Variants in SLC25A4 observed in about 807,000 individuals in gnomAD.
The protein encoded by SLC25A4 is ADP/ATP translocase 1.
Under a neutral mutation model 24.7 loss-of-function variants are expected in SLC25A4, and 10 were observed. The ratio of observed to expected loss-of-function variants is 0.41; its 90% CI spans 0.25 to 0.69. The LOEUF (loss-of-function observed/expected upper bound fraction) is 0.69, where lower values mean the gene tolerates loss of function less well. Among genes scored for constraint, SLC25A4 ranks in the 30% least tolerant of loss-of-function variants. The pLI, the probability that SLC25A4 is intolerant of heterozygous loss-of-function variation, is 0.35. For synonymous variants in SLC25A4, 125 were observed against 153.3 expected (o/e 0.82, Z 1.36); for missense variants, 273 against 387.6 (o/e 0.70, Z 2.48).
chr4:185,145,318 C>A lies in SLC25A4; in HGVS notation c.598+68C>A, dbSNP rs771487448. 3 of 1,607,056 alleles carry A rather than the reference C, an allele frequency of 1.9e-6. No individual in the cohort carries two copies. The highest frequency in any genetic ancestry group is 1.3e-5 in the African/African-American group (1 of 74,848). On this transcript the variant is annotated intron_variant, in intron 2 of 3. Transcript: ENST00000281456. This position sits in a 1 kb window ranked among gnomAD's most constrained non-coding sequence, Gnocchi z 5.5. ...AGGATCCTATGGGATCTATAACTCA[C>A]AAAGGACCTGATATATATTGATCTT... is the stretch of plus-strand genomic sequence containing the variant.
chr4:185,144,527 T>C (rs1734402444), intron 1 of SLC25A4, among the ~76,000 whole-genome samples: 1 of 152,156 alleles, frequency 6.6e-6, no homozygotes, highest in Admixed American at 6.5e-5. Context: ...TTTGGGGCAA[T>C]ACCTTTTCCC....
chr4:185,148,334 T>G lies in SLC25A4; in HGVS notation c.*1363T>G, dbSNP rs1033170835. 1.3e-5 allele frequency: 2 copies of G among 152,120 alleles called. No homozygotes were observed. The highest frequency in any genetic ancestry group is 2.9e-5 in the Non-Finnish European group (2 of 68,030). The allele number at this position is 152,120 out of a possible 1,614,324, so 9.4% of individuals were successfully genotyped here. On this transcript the variant is annotated 3_prime_UTR_variant, in exon 4 of 4. Transcript: ENST00000281456. ...GGTTAAGATTTCAACAGATGAATTT[T>G]GAAGGGACACAAACATTCAGTCCAT... is the stretch of plus-strand genomic sequence containing the variant.
In SLC25A4 at chr4:185,143,302, G is replaced by C; in HGVS notation, c.-71G>C. The C allele has an allele frequency of 1.1e-6, 1 of 884,080 alleles. No individual in the cohort carries two copies. The allele number at this position is 884,080 out of a possible 1,614,324, so 54.8% of individuals were successfully genotyped here. On this transcript the variant is annotated 5_prime_UTR_variant, in exon 1 of 4. Transcript: ENST00000281456. Reference sequence around the variant, plus strand: ...GTCGCGCAGGGTCGGGGACTGCGCGGCGGTGCCAGGCCGGGCGTGGGCGAG... The same window carrying C: ...GTCGCGCAGGGTCGGGGACTGCGCGCCGGTGCCAGGCCGGGCGTGGGCGAG...
chr4:185,145,216 A>T lies in SLC25A4; in HGVS notation c.564A>T (p.Arg188Ser). The T allele has an allele frequency of 2.5e-6, 4 of 1,614,024 alleles. No individual in the cohort carries two copies. The highest frequency in any genetic ancestry group is 3.4e-6 in the Non-Finnish European group (4 of 1,179,960). The change falls in exon 2 of 4, where the codon AGA becomes AGT. Residue 188 changes from arginine (R) to serine (S), a missense_variant. Coordinates refer to ENST00000281456, the MANE Select transcript of SLC25A4 (RefSeq NM_001151.4). This position sits in a 1 kb window ranked among gnomAD's most constrained non-coding sequence, Gnocchi z 5.5. ...NVSVQGIIIY[R>S]AAYFGVYDTA... ...CTGTCCAAGGCATCATTATCTATAG[A>T]GCTGCCTACTTCGGAGTCTATGATA...
rs1734496622 is a variant in SLC25A4, at chr4:185,149,319, G to GTGTAAT, written c.*2352_*2357dup. 1 of 152,266 alleles carries GTGTAAT rather than the reference G, an allele frequency of 6.6e-6. No individual in the cohort carries two copies. Among genetic ancestry groups the GTGTAAT allele is most frequent in the Non-Finnish European group, 1.5e-5 (1 of 68,080 alleles). 9.4% of individuals were successfully genotyped at this position (152,266 alleles called of 1,614,324 possible). ...TGCGTCCTCCCAACCCAACCAAGAA[G>GTGTAAT]TGTAATTGTGTTCCGTCTTTAACCC... On this transcript the variant is annotated 3_prime_UTR_variant, in exon 4 of 4. Transcript: ENST00000281456.
chr4:185,144,606 A>G (rs1337688899), intron 1 of SLC25A4, among the ~76,000 whole-genome samples, 158 bp from the exon 2 acceptor site: 2 of 152,152 alleles, frequency 1.3e-5, no homozygotes, highest in Non-Finnish European at 2.9e-5. Flanking sequence ...AACATGGATA[A>G]CAGTATCCAT....
chr4:185,145,726 C>G lies in SLC25A4; in HGVS notation c.599-33C>G. 1 of 1,613,958 alleles carries G rather than the reference C, an allele frequency of 6.2e-7. No homozygotes were observed. Among genetic ancestry groups the G allele is most frequent in the Non-Finnish European group, 8.5e-7 (1 of 1,179,856 alleles). On this transcript the variant is annotated intron_variant, in intron 2 of 3. Transcript: ENST00000281456. This position sits in a 1 kb window ranked among gnomAD's most constrained non-coding sequence, Gnocchi z 5.5. Reference sequence around the variant, plus strand: ...TGCTTTCTGCTGAGAACAGGCACTTCATAGCCGTTCGGCTTCTGGGCTCTG... The same window carrying G: ...TGCTTTCTGCTGAGAACAGGCACTTGATAGCCGTTCGGCTTCTGGGCTCTG...
rs1008012764 is a variant in SLC25A4, at chr4:185,147,768, C to T, written c.*797C>T. 1.3e-5 allele frequency: 2 copies of T among 152,212 alleles called. No individual in the cohort carries two copies. The highest frequency in any genetic ancestry group is 1.9e-4 in the East Asian group (1 of 5,186). The allele number at this position is 152,212 out of a possible 1,614,324, so 9.4% of individuals were successfully genotyped here. A position where few individuals can be genotyped will look rare whatever the true frequency, so the allele number is the denominator to read the frequency against. ...CAGAGGTGGGCGTATCACTTCAGGC[C>T]AGGAGTTTGAGACCAGCCTGGCCAA... On this transcript the variant is annotated 3_prime_UTR_variant, in exon 4 of 4. Coordinates refer to ENST00000281456, the MANE Select transcript of SLC25A4 (RefSeq NM_001151.4).
rs776619878 is a variant in SLC25A4 at position 185,145,344 on chromosome 4, G to T, written c.598+94G>T. On this transcript the variant is annotated intron_variant, in intron 2 of 3. Transcript: ENST00000281456. This position sits in a 1 kb window ranked among gnomAD's most constrained non-coding sequence, Gnocchi z 5.5. ...AAAGGACCTGATATATATTGATCTT[G>T]TTTTTTCTAGTCTCTGGGATAATTG... 2 of 1,578,196 alleles carry T rather than the reference G, an allele frequency of 1.3e-6. No individual in the cohort carries two copies. Among genetic ancestry groups the T allele is most frequent in the South Asian group, 2.2e-5 (2 of 89,100 alleles).
chr4:185,143,613 C>G (rs1488699670), intron 1 of SLC25A4, 130 bp downstream of exon 1: 2 of 47,516 alleles, frequency 4.2e-5, no homozygotes, highest in African/African-American at 8.0e-5. Context: ...GGGCGCCCGC[C>G]CGCCCGCCCG....
rs754987838 is a variant in SLC25A4 at position 185,144,829 on chromosome 4, G to A, written c.177G>A (p.Val59=). 1 of 1,614,154 alleles carries A rather than the reference G, an allele frequency of 6.2e-7. No homozygotes were observed. The highest frequency in any genetic ancestry group is 1.1e-5 in the South Asian group (1 of 91,080). ...ACAAAGGGATCATTGATTGTGTGGTGAGAATCCCTAAGGAGCAGGGCTTCC... is the reference window on the plus strand; with the variant it reads ...ACAAAGGGATCATTGATTGTGTGGTAAGAATCCCTAAGGAGCAGGGCTTCC... ...KQYKGIIDCV[V]RIPKEQGFLS... is the part of the protein sequence containing the mutation. Residue 59 remains valine (V), a synonymous_variant, in exon 2 of 4, where the codon GTG becomes GTA. Coordinates refer to ENST00000281456, the MANE Select transcript of SLC25A4 (RefSeq NM_001151.4).
At position 185,143,300 on chromosome 4, in the gene SLC25A4, C is replaced by T. The variant is rs1055240260; in HGVS notation, c.-73C>T. The stretch of plus-strand genomic sequence containing the variant: ...GCGTCGCGCAGGGTCGGGGACTGCG[C>T]GGCGGTGCCAGGCCGGGCGTGGGCG... On this transcript the variant is annotated 5_prime_UTR_variant, in exon 1 of 4. Coordinates refer to ENST00000281456, the MANE Select transcript of SLC25A4 (RefSeq NM_001151.4). 11 of 871,074 alleles carry T rather than the reference C, an allele frequency of 1.3e-5. No individual in the cohort carries two copies. The highest frequency in any genetic ancestry group is 1.5e-5 in the South Asian group (1 of 67,410). The allele number at this position is 871,074 out of a possible 1,614,324, so 54.0% of individuals were successfully genotyped here.
Position 185,148,313 on chromosome 4 carries a change from A to C in SLC25A4, c.*1342A>C, listed in dbSNP as rs902256352. ...TCCAAACACCACCACTTTGGGGGTT[A>C]AGATTTCAACAGATGAATTTTGAAG... On this transcript the variant is annotated 3_prime_UTR_variant, in exon 4 of 4. Transcript: ENST00000281456. The C allele has an allele frequency of 5.9e-5, 9 of 152,208 alleles. No individual in the cohort carries two copies. Among genetic ancestry groups the C allele is most frequent in the Admixed American group, 3.3e-4 (5 of 15,274 alleles). 9.4% of individuals were successfully genotyped at this position (152,208 alleles called of 1,614,324 possible). A position where few individuals can be genotyped will look rare whatever the true frequency, so the allele number is the denominator to read the frequency against.
Position 185,145,690 on chromosome 4 carries a change from C to T in SLC25A4, c.599-69C>T. 1 of 1,588,180 alleles carries T rather than the reference C, an allele frequency of 6.3e-7. No homozygotes were observed. The highest frequency in any genetic ancestry group is 8.6e-7 in the Non-Finnish European group (1 of 1,158,950). On this transcript the variant is annotated intron_variant, in intron 2 of 3. Transcript: ENST00000281456. The surrounding 1 kb of genome is among the most constrained non-coding windows in gnomAD (Gnocchi z 5.5). ...TGGAGCTGGAGGTGCAGTGGCCTCT[C>T]TCCCTCCACCTGCTTTCTGCTGAGA...
chr4:185,146,712 C>T (rs1466595117), intron 3 of SLC25A4, 102 bp from the exon 4 acceptor site: 6 of 1,395,586 alleles, frequency 4.3e-6, no homozygotes, highest in African/African-American at 1.4e-5. Context: ...CCCAGATGAC[C>T]CTGATTTTAT....
Position 185,146,920 on chromosome 4 carries a change from G to A in SLC25A4, c.846G>A (p.Met282Ile). Residue 282 changes from methionine to isoleucine, a missense_variant, in exon 4 of 4, where the codon ATG becomes ATA. Coordinates refer to ENST00000281456, the MANE Select transcript of SLC25A4 (RefSeq NM_001151.4). ...KGAWSNVLRG[M>I]GGAFVLVLYD... ...CCTGGTCCAATGTGCTGAGAGGCAT[G>A]GGCGGTGCTTTTGTATTGGTGTTGT... is the stretch of plus-strand genomic sequence containing the variant. 1 of 1,614,144 alleles carries A rather than the reference G, an allele frequency of 6.2e-7. No individual in the cohort carries two copies. The highest frequency in any genetic ancestry group is 8.5e-7 in the Non-Finnish European group (1 of 1,180,022).
chr4:185,146,662 A>G, intron 3 of SLC25A4, 152 bp from the exon 4 acceptor site: 1 of 800,004 alleles, frequency 1.2e-6, no homozygotes, highest in Non-Finnish European at 2.1e-6. Flanking sequence ...GCAAGGAAGG[A>G]GATGTCCAGT....
rs1218779350 is a variant in SLC25A4, at chr4:185,147,047, A to C, written c.*76A>C. ...TCACAGATCCATTGTGTGGTTTAAT[A>C]GACTATTCCTAGGGGAAGTAAAAAG... On this transcript the variant is annotated 3_prime_UTR_variant, in exon 4 of 4. Transcript: ENST00000281456. The C allele has an allele frequency of 1.5e-6, 2 of 1,371,744 alleles. No homozygotes were observed. Among genetic ancestry groups the C allele is most frequent in the African/African-American group, 2.9e-5 (2 of 69,764 alleles). The allele number at this position is 1,371,744 out of a possible 1,614,324, so 85.0% of individuals were successfully genotyped here. A position where few individuals can be genotyped will look rare whatever the true frequency, so the allele number is the denominator to read the frequency against.
Position 185,144,938 on chromosome 4 carries a change from A to G in SLC25A4, c.286A>G (p.Lys96Glu). Residue 96 changes from lysine (K) to glutamate (E), a missense_variant, in exon 2 of 4, where the codon AAG becomes GAG. Coordinates refer to ENST00000281456, the MANE Select transcript of SLC25A4 (RefSeq NM_001151.4). ...ALNFAFKDKYKQLFLGGVDRH... is the reference protein window; with the variant it reads ...ALNFAFKDKYEQLFLGGVDRH... ...CAACTTCGCCTTCAAGGACAAGTACAAGCAGCTCTTCTTAGGGGGTGTGGA... is the reference window on the plus strand; with the variant it reads ...CAACTTCGCCTTCAAGGACAAGTACGAGCAGCTCTTCTTAGGGGGTGTGGA... 6.2e-7 allele frequency: 1 copy of G among 1,614,204 alleles called. No individual in the cohort carries two copies. Among genetic ancestry groups the G allele is most frequent in the South Asian group, 1.1e-5 (1 of 91,080 alleles).
Sources: allele counts gnomAD v4.1 joint callset (sites outside exome capture counted in the v4.1 genomes callset), GRCh38; gene constraint gnomAD v4.1.1; non-coding constraint Gnocchi (gnomAD v3.1); transcripts MANE v1.5; gene names NCBI Gene and HGNC (gene_info 2026-07-23, HGNC 2026-07-21).